Variants in VRK2 observed in about 807,000 individuals in gnomAD.
The protein encoded by VRK2 is VRK serine/threonine kinase 2.
In VRK2, 60 loss-of-function variants were observed where a neutral mutation model predicts 57.6. The observed-to-expected ratio is 1.04, with a 90% CI of 0.85 to 1.29. The LOEUF is 1.29. Ranked by LOEUF, VRK2 falls within the 50% of genes most tolerant of loss-of-function variation. The pLI is 0.00. For missense variants in VRK2, 705 were observed against 588.1 expected, an observed-to-expected ratio of 1.20 and a Z score of -2.06; for synonymous variants, 231 against 199.2, an observed-to-expected ratio of 1.16 and a Z score of -1.35.
intron 1 of VRK2, among the ~76,000 whole-genome samples, chr2:57,910,466 G>A (rs1229782147): frequency 6.6e-6 from 1 of 152,122 alleles, no homozygotes; most frequent in Non-Finnish European, 1.5e-5. Context: ...TTCATACAGG[G>A]TTTATCTCTG....
At chr2:57,945,447 T>C (rs960609762) in intron 1 of VRK2, among the ~76,000 whole-genome samples, 13 of 152,102 alleles carry the variant, frequency 8.5e-5, no homozygotes, top group African/African-American at 3.1e-4. Flanking sequence ...TCTGAGAAAA[T>C]ACAAAGCAGA....
At chr2:57,976,576 AAATTT>A (rs1379098298) in intron 1 of VRK2, among the ~76,000 whole-genome samples, 4 of 151,942 alleles carry the variant, frequency 2.6e-5, no homozygotes, top group Non-Finnish European at 5.9e-5. Flanking sequence ...TTTTGCTTAT[AAATTT>A]AAGTTCCTTA....
intron 1 of VRK2, among the ~76,000 whole-genome samples, chr2:57,985,488 T>C (rs982600441): frequency 6.6e-6 from 1 of 152,078 alleles, no homozygotes; most frequent in Non-Finnish European, 1.5e-5. Flanking sequence ...CTTTTGACAT[T>C]TTTTGGTTTC....
At chr2:58,134,617 C>CAAAAAAAAA (rs70954875) in intron 9 of VRK2, among the ~76,000 whole-genome samples, 1 of 73,092 alleles carries the variant, frequency 1.4e-5, no homozygotes, top group African/African-American at 4.4e-5. Flanking sequence ...GACTCCGTCT[C>CAAAAAAAAA]AAAAAAAAAA....
intron 2 of VRK2, among the ~76,000 whole-genome samples, chr2:58,063,241 GTTT>G (rs780317845): frequency 2.5e-5 from 3 of 121,676 alleles, no homozygotes. Flanking sequence ...TCACAGTTTT[GTTT>G]TTTTTTTTTT....
At chr2:57,979,108 T>C (rs965556586) in intron 1 of VRK2, among the ~76,000 whole-genome samples, 10 of 151,234 alleles carry the variant, frequency 6.6e-5, no homozygotes, top group Non-Finnish European at 1.2e-4. Flanking sequence ...CTATTGTAAA[T>C]AGTACTGCAA....
intron 3 of VRK2, among the ~76,000 whole-genome samples, chr2:58,035,051 T>A (rs543358988): frequency 6.6e-6 from 1 of 152,044 alleles, no homozygotes; most frequent in African/African-American, 2.4e-5. Flanking sequence ...TTGGTTAGTA[T>A]GTTCTCTACT....
At chr2:58,109,711 C>T (rs1284117439) in intron 7 of VRK2, among the ~76,000 whole-genome samples, 2 of 152,188 alleles carry the variant, frequency 1.3e-5, no homozygotes, top group African/African-American at 4.8e-5. Flanking sequence ...GGGGTCCTTC[C>T]CTCAACACAT....
At chr2:58,028,354 T>C (rs1404811997) in intron 2 of VRK2, 2 of 152,148 alleles carry the variant, frequency 1.3e-5, no homozygotes, top group Non-Finnish European at 2.9e-5. Context: ...CTTAATCCAG[T>C]CTATCATTGT....
At position 58,139,601 on chromosome 2, in the gene VRK2, A is replaced by G. The variant is rs1681030166; in HGVS notation, c.857-65A>G. 4 of 1,391,780 alleles carry G rather than the reference A, an allele frequency of 2.9e-6. No individual in the cohort carries two copies. In the South Asian group the frequency reaches 4.0e-5, roughly 14 times the overall value. 86.2% of individuals were successfully genotyped at this position (1,391,780 alleles called of 1,614,324 possible). Reference sequence around the variant, plus strand: ...AGACAAAGATAACAAAGATTTTGAGATTACTGGAGTCTTGACAATTCTTGC... The same window carrying G: ...AGACAAAGATAACAAAGATTTTGAGGTTACTGGAGTCTTGACAATTCTTGC... On this transcript the variant is annotated intron_variant, in intron 10 of 12. Transcript: ENST00000340157.
At chr2:57,973,587 C>G (rs1378485594) in intron 1 of VRK2, among the ~76,000 whole-genome samples, 1 of 151,746 alleles carries the variant, frequency 6.6e-6, no homozygotes, top group African/African-American at 2.4e-5. Context: ...AGGAAAAGAG[C>G]TACAAAATAA....
intron 2 of VRK2, among the ~76,000 whole-genome samples, chr2:58,082,527 A>G (rs1671032952): frequency 6.6e-6 from 1 of 151,880 alleles, no homozygotes; most frequent in South Asian, 2.1e-4. Flanking sequence ...TGGAAACCAT[A>G]CTAGTAAAAT....
At chr2:58,155,954 G>A (rs73944825) in intron 12 of VRK2, among the ~76,000 whole-genome samples, 3,251 of 148,726 alleles carry the variant, frequency 0.022, 117 homozygotes, top group African/African-American at 0.079. Context: ...GCATATTGCT[G>A]TTTCCAGAAC....
chr2:58,131,542 A>G (rs1679190440), intron 8 of VRK2, among the ~76,000 whole-genome samples: 1 of 152,078 alleles, frequency 6.6e-6, no homozygotes, highest in South Asian at 2.1e-4. Context: ...ATGGGGATCA[A>G]GTTCATGTGA....
At chr2:58,098,130 AAAG>A (rs147430426) in intron 7 of VRK2, among the ~76,000 whole-genome samples, 2 of 152,176 alleles carry the variant, frequency 1.3e-5, no homozygotes, top group Non-Finnish European at 2.9e-5. Context: ...AAAAAATAAA[AAAG>A]AAAATAAATA....
chr2:58,038,780 C>G (rs541903689), intron 3 of VRK2, among the ~76,000 whole-genome samples: 9 of 152,208 alleles, frequency 5.9e-5, no homozygotes, highest in African/African-American at 2.2e-4. Flanking sequence ...AATTTAGCAT[C>G]AATAAAGATA....
intron 1 of VRK2, among the ~76,000 whole-genome samples, chr2:58,017,839 ATC>A (rs1183387382): frequency 4.6e-5 from 7 of 152,166 alleles, no homozygotes; most frequent in Non-Finnish European, 7.4e-5. Flanking sequence ...TTGTTGTTAA[ATC>A]TCTGTTAAGC....
At position 58,159,650 on chromosome 2, in the gene VRK2, C is replaced by T. The variant is rs1684774234; in HGVS notation, c.1484C>T (p.Pro495Leu). 1.2e-6 allele frequency: 2 copies of T among 1,613,510 alleles called. No homozygotes were observed. The highest frequency in any genetic ancestry group is 2.2e-5 in the South Asian group (2 of 91,046). Residue 495 changes from proline to leucine, a missense_variant, in exon 13 of 13, where the codon CCT becomes CTT. Coordinates refer to ENST00000340157, the MANE Select transcript of VRK2 (RefSeq NM_006296.7). ...GTTTATTATTATCGCATCATCATAC[C>T]TGTCCTTTTGATGTTAGTATTTCTT... ...ADVYYYRIII[P>L]VLLMLVFLAL...
chr2:57,911,963 C>T (rs768341708), intron 1 of VRK2, among the ~76,000 whole-genome samples: 8 of 152,110 alleles, frequency 5.3e-5, no homozygotes, highest in Non-Finnish European at 1.2e-4. Context: ...GTGCTTAGCA[C>T]ATAATAGGCC....
Sources: allele counts gnomAD v4.1 joint callset (sites outside exome capture counted in the v4.1 genomes callset), GRCh38; gene constraint gnomAD v4.1.1; transcripts MANE v1.5; gene names NCBI Gene and HGNC (gene_info 2026-07-23, HGNC 2026-07-21).